NRXN3: variants seen among roughly 807,000 people sequenced by gnomAD.
NRXN3 encodes neurexin 3.
In NRXN3, 32 loss-of-function variants were observed where a neutral mutation model predicts 137.6. The ratio of observed to expected loss-of-function variants is 0.23; its 90% CI spans 0.18 to 0.31. NRXN3 has a LOEUF of 0.31. Among genes scored for constraint, NRXN3 ranks in the 10% least tolerant of loss-of-function variants. NRXN3 has a pLI of 1.00. For missense variants in NRXN3, 1,574 were observed against 2,062.5 expected (o/e 0.76, Z 4.59); for synonymous variants, 798 against 784.5 (o/e 1.02, Z -0.29).
At chr14:78,815,909 CTTA>C (rs1166894839) in intron 10 of NRXN3, among the ~76,000 whole-genome samples, 1 of 152,146 alleles carries the variant, frequency 6.6e-6, no homozygotes, top group Non-Finnish European at 1.5e-5. Flanking sequence ...GGTGATGCCA[CTTA>C]TTAGAATCTT....
chr14:79,723,078 G>A (rs906286881), intron 19 of NRXN3, among the ~76,000 whole-genome samples: 6 of 152,088 alleles, frequency 3.9e-5, no homozygotes, highest in Non-Finnish European at 7.4e-5. Context: ...ATGCAATCTC[G>A]AAGGAATAGG....
intron 15 of NRXN3, among the ~76,000 whole-genome samples, chr14:79,236,423 A>T (rs1235244540): frequency 6.6e-6 from 1 of 152,110 alleles, no homozygotes; most frequent in Non-Finnish European, 1.5e-5. Context: ...GTTAGACACT[A>T]TTATTATAAA....
intron 4 of NRXN3, among the ~76,000 whole-genome samples, chr14:78,573,085 G>T (rs1360724422): frequency 2.0e-5 from 3 of 152,182 alleles, no homozygotes; most frequent in Non-Finnish European, 4.4e-5. Context: ...TACCCCTTTT[G>T]CTTGGCACTC....
intron 20 of NRXN3, among the ~76,000 whole-genome samples, chr14:79,813,989 C>T (rs754264940): frequency 1.3e-4 from 20 of 152,178 alleles, no homozygotes; most frequent in African/African-American, 2.4e-4. Flanking sequence ...TGTGGCATGC[C>T]GTGACAAGTT....
At chr14:78,220,345 G>A (rs2063718855) in intron 1 of NRXN3, among the ~76,000 whole-genome samples, 1 of 152,074 alleles carries the variant, frequency 6.6e-6, no homozygotes, top group East Asian at 1.9e-4. Context: ...AAGGTGTGCA[G>A]AGAGGGAGGA....
intron 10 of NRXN3, among the ~76,000 whole-genome samples, chr14:78,839,092 T>C (rs1677985822): frequency 6.6e-6 from 1 of 152,154 alleles, no homozygotes; most frequent in Non-Finnish European, 1.5e-5. Context: ...ATAAATGTAC[T>C]GGTGCAAAGT....
intron 15 of NRXN3, among the ~76,000 whole-genome samples, chr14:79,083,122 T>C (rs7143117): frequency 0.92 from 139,852 of 152,248 alleles, 65,134 homozygotes; most frequent in Non-Finnish European, 0.99. Flanking sequence ...CCATCAGTGG[T>C]ACTGTGTGAG....
chr14:79,401,850 G>GA (rs201841768), intron 15 of NRXN3, among the ~76,000 whole-genome samples: 2,503 of 130,176 alleles, frequency 0.019, 42 homozygotes, highest in African/African-American at 0.051. Flanking sequence ...TCCTGGTAAT[G>GA]AAAAAAAAAA....
intron 6 of NRXN3, among the ~76,000 whole-genome samples, chr14:78,707,719 C>T (rs902560834): frequency 6.6e-6 from 1 of 152,156 alleles, no homozygotes; most frequent in African/African-American, 2.4e-5. Flanking sequence ...ACACCCTTCC[C>T]CTCAAGTCCC....
rs547946568 is a variant in NRXN3, at chr14:78,892,550, CT to C, written c.2276-64680del. Among the ~76,000 whole-genome samples the C allele has an allele frequency of 3.6e-3, 523 of 145,166 alleles. 3 individuals are homozygous for C. Among genetic ancestry groups the C allele is most frequent in the African/African-American group, 5.9e-3 (234 of 39,828 alleles). Reference sequence around the variant, plus strand: ...AAGAAGTGTGATCAAAACTACCTTCCTTTTTTTTTTTTCTTACCCAGTGAAT... The same window carrying C: ...AAGAAGTGTGATCAAAACTACCTTCCTTTTTTTTTTTCTTACCCAGTGAAT... On this transcript the variant is annotated intron_variant, in intron 10 of 20. Coordinates refer to ENST00000335750, the MANE Select transcript of NRXN3 (RefSeq NM_001330195.2).
At chr14:78,475,267 T>C (rs1373246985) in intron 4 of NRXN3, among the ~76,000 whole-genome samples, 3 of 152,154 alleles carry the variant, frequency 2.0e-5, no homozygotes, top group Admixed American at 6.5e-5. Context: ...AGGTAGGACC[T>C]ATATGCTATT....
intron 19 of NRXN3, among the ~76,000 whole-genome samples, chr14:79,746,958 C>T (rs1055483023): frequency 2.0e-5 from 3 of 152,102 alleles, no homozygotes; most frequent in African/African-American, 7.2e-5. Flanking sequence ...TCTCCTGACA[C>T]TTTACCTAGA....
chr14:79,283,611 A>G (rs779058523), intron 15 of NRXN3, among the ~76,000 whole-genome samples: 1 of 152,058 alleles, frequency 6.6e-6, no homozygotes, highest in Non-Finnish European at 1.5e-5. Flanking sequence ...AGGGAGACTA[A>G]GGCCACACTT....
chr14:78,906,635 T>C lies in NRXN3; in HGVS notation c.2276-50607T>C, dbSNP rs571430379. On this transcript the variant is annotated intron_variant, in intron 10 of 20. Coordinates refer to ENST00000335750, the MANE Select transcript of NRXN3 (RefSeq NM_001330195.2). ...AGAATTGTCTCCAGTTATCTTTTTT[T>C]CCCTGATCCTAGGCAAGCAAGGCCA... 2.0e-5 allele frequency among the ~76,000 whole-genome samples: 3 copies of C among 152,196 alleles called. No individual in the cohort carries two copies. In the East Asian group the frequency reaches 5.8e-4, roughly 29 times the overall value.
chr14:78,199,838 C>G (rs891181505), intron 1 of NRXN3, among the ~76,000 whole-genome samples: 3 of 152,192 alleles, frequency 2.0e-5, no homozygotes, highest in Non-Finnish European at 4.4e-5. Context: ...GAGGTGGAAG[C>G]ATTCCAACCT....
At chr14:79,073,644 C>T (rs997961792) in intron 15 of NRXN3, among the ~76,000 whole-genome samples, 21 of 152,156 alleles carry the variant, frequency 1.4e-4, no homozygotes, top group Non-Finnish European at 2.5e-4. Context: ...TTATTCCCTT[C>T]CCTTTGCAAC....
intron 16 of NRXN3, among the ~76,000 whole-genome samples, chr14:79,630,214 GT>G (rs2098330557): frequency 6.6e-6 from 1 of 152,180 alleles, no homozygotes; most frequent in South Asian, 2.1e-4. Context: ...AATACTGCTG[GT>G]TTCTGCTAAA....
chr14:78,736,469 A>G (rs2098541754), intron 8 of NRXN3, among the ~76,000 whole-genome samples: 1 of 152,206 alleles, frequency 6.6e-6, no homozygotes, highest in Admixed American at 6.5e-5. Context: ...AATATTAGCC[A>G]CCATTTTATT....
intron 15 of NRXN3, among the ~76,000 whole-genome samples, chr14:79,431,116 C>T (rs2095746669): frequency 6.6e-6 from 1 of 152,064 alleles, no homozygotes; most frequent in African/African-American, 2.4e-5. Context: ...AGTCTTTATT[C>T]ACAACCTGTA....
Sources: gnomAD v4.1 joint callset for allele counts (sites outside exome capture counted in the v4.1 genomes callset) on GRCh38, gnomAD v4.1.1 for gene constraint, MANE v1.5 for transcripts, NCBI Gene and HGNC (gene_info 2026-07-23, HGNC 2026-07-21) for gene names.